Variants in MTUS2 observed in about 807,000 individuals in gnomAD.
The protein encoded by MTUS2 is microtubule-associated tumor suppressor candidate 2.
MTUS2 carries 40 observed loss-of-function variants against 114.1 expected under a neutral mutation model. That is an observed-to-expected ratio of 0.35 (90% CI 0.27 to 0.46). The LOEUF is 0.46. Ranked by LOEUF, MTUS2 falls within the 20% of genes least tolerant of loss-of-function variation. The pLI is 1.00. For missense variants in MTUS2, 1,679 were observed against 1,705.4 expected, an observed-to-expected ratio of 0.98 and a Z score of 0.27; for synonymous variants, 688 against 672.0, an observed-to-expected ratio of 1.02 and a Z score of -0.37.
rs367681518 is a variant in MTUS2, at chr13:29,375,607, ACG to A, written c.3117+16135_3117+16136del. Among the ~76,000 whole-genome samples the A allele has an allele frequency of 7.5e-3, 252 of 33,420 alleles. 25 individuals are homozygous for A. Among genetic ancestry groups the A allele is most frequent in the African/African-American group, 0.015 (46 of 2,984 alleles). The allele number at this position is 33,420 out of a possible 152,430, so 21.9% of individuals were successfully genotyped here. A position where few individuals can be genotyped will look rare whatever the true frequency, so the allele number is the denominator to read the frequency against. On this transcript the variant is annotated intron_variant, in intron 8 of 15. Coordinates refer to ENST00000612955, the MANE Select transcript of MTUS2 (RefSeq NM_001033602.4). ...TATATACGTATATATATATATATAT[ACG>A]TATATATATATATATATATATATAT...
intron 5 of MTUS2, among the ~76,000 whole-genome samples, chr13:29,183,295 G>C (rs1894084108): frequency 1.3e-5 from 2 of 151,992 alleles, no homozygotes; most frequent in African/African-American, 4.8e-5. Context: ...CAACGATGAT[G>C]ACCAGGGTCT....
At chr13:28,935,759 AT>A (rs1020896980) in intron 2 of MTUS2, among the ~76,000 whole-genome samples, 67 of 147,012 alleles carry the variant, frequency 4.6e-4, no homozygotes, top group Non-Finnish European at 6.8e-4. Flanking sequence ...GACCAGGCTC[AT>A]TTTTTTTTTT....
chr13:29,392,941 G>A (rs12100061), intron 8 of MTUS2, among the ~76,000 whole-genome samples: 4,284 of 152,224 alleles, frequency 0.028, 225 homozygotes, highest in African/African-American at 0.098. Flanking sequence ...TGGCATCTAT[G>A]CAATGATATC....
intron 4 of MTUS2, among the ~76,000 whole-genome samples, chr13:29,059,841 T>C (rs1175422663): frequency 6.6e-6 from 1 of 152,224 alleles, no homozygotes; most frequent in African/African-American, 2.4e-5. Flanking sequence ...ATGTTGCCCA[T>C]CTAGCTACCA....
chr13:29,480,240 A>T lies in MTUS2; in HGVS notation c.3275A>T (p.Gln1092Leu). Residue 1092 changes from glutamine (Q) to leucine (L), a missense_variant, in exon 10 of 16, where the codon CAG becomes CTG. Transcript: ENST00000612955. This position sits in a 1 kb window ranked among gnomAD's most constrained non-coding sequence, Gnocchi z 4.4. ...FEDEVKRLGW[Q>L]QQAELQELEE... ...GACGAGGTGAAGAGGCTGGGCTGGCAGCAGCAGGCCGAGCTCCAGGAGCTG... is the reference window on the plus strand; with the variant it reads ...GACGAGGTGAAGAGGCTGGGCTGGCTGCAGCAGGCCGAGCTCCAGGAGCTG... 2 of 1,553,602 alleles carry T rather than the reference A, an allele frequency of 1.3e-6. No individual in the cohort carries two copies. The highest frequency in any genetic ancestry group is 1.7e-6 in the Non-Finnish European group (2 of 1,148,162).
At chr13:28,852,056 C>T (rs1020149933) in intron 2 of MTUS2, among the ~76,000 whole-genome samples, 1 of 152,188 alleles carries the variant, frequency 6.6e-6, no homozygotes, top group Non-Finnish European at 1.5e-5. Flanking sequence ...TGTTCTTAGA[C>T]CTTCAGTCAC....
intron 4 of MTUS2, among the ~76,000 whole-genome samples, chr13:29,065,698 T>TG (rs1409419865): frequency 1.3e-5 from 2 of 152,212 alleles, no homozygotes; most frequent in East Asian, 3.8e-4. Flanking sequence ...GAGGAGCAGA[T>TG]GGAGAGGCTG....
rs117286685 is a variant in MTUS2, at chr13:29,299,370, C to T, written c.2806+17505C>T. On this transcript the variant is annotated intron_variant, in intron 6 of 15. Transcript: ENST00000612955. ...TTTGGATGGGCCTCCATTTGTTCAA[C>T]ATATATTAATTGCGTACCCTCTTCA... Among the ~76,000 whole-genome samples, 6 of 152,292 alleles carry T rather than the reference C, an allele frequency of 3.9e-5. No individual in the cohort carries two copies. The East Asian group carries it at 1.2e-3, about 29-fold the overall frequency.
chr13:29,197,342 T>C (rs530463810), intron 5 of MTUS2, among the ~76,000 whole-genome samples: 76 of 152,286 alleles, frequency 5.0e-4, no homozygotes, highest in Non-Finnish European at 9.8e-4. Flanking sequence ...GTTCCTGTGT[T>C]AGTTTGCTGA....
At chr13:29,066,847 A>G (rs1282861228) in intron 4 of MTUS2, among the ~76,000 whole-genome samples, 2 of 152,258 alleles carry the variant, frequency 1.3e-5, no homozygotes, top group African/African-American at 4.8e-5. Context: ...GAGGAGAGGA[A>G]CCCACTAGGC....
At chr13:29,397,517 C>T (rs1248453443) in intron 8 of MTUS2, among the ~76,000 whole-genome samples, 1 of 152,216 alleles carries the variant, frequency 6.6e-6, no homozygotes, top group African/African-American at 2.4e-5. Context: ...TGCATGGTCT[C>T]AGGCCCCATC....
intron 2 of MTUS2, among the ~76,000 whole-genome samples, chr13:28,881,310 T>C (rs953532882): frequency 3.9e-5 from 6 of 152,240 alleles, no homozygotes; most frequent in Non-Finnish European, 8.8e-5. Context: ...ATTAGTCCGT[T>C]CTTTTTAGTG....
intron 2 of MTUS2, among the ~76,000 whole-genome samples, chr13:29,006,216 C>T (rs1341879517): frequency 1.3e-5 from 2 of 152,022 alleles, no homozygotes; most frequent in African/African-American, 4.8e-5. Flanking sequence ...CCAGGTGCTG[C>T]AAAAGTTTAG....
chr13:29,383,092 A>G (rs1232431014), intron 8 of MTUS2, among the ~76,000 whole-genome samples: 2 of 152,066 alleles, frequency 1.3e-5, no homozygotes, highest in Admixed American at 6.6e-5. Flanking sequence ...TAACACAGAC[A>G]TGTATTTAAT....
At position 29,168,888 on chromosome 13, in the gene MTUS2, C is replaced by CTGTTTGTGTGTGTGTGTGTG. The variant is rs1893429634; in HGVS notation, c.2644+67921_2644+67922insTTGTGTGTGTGTGTGTGTGT. Among the ~76,000 whole-genome samples the CTGTTTGTGTGTGTGTGTGTG allele has an allele frequency of 2.9e-5, 4 of 138,484 alleles. No homozygotes were observed. In the South Asian group the frequency reaches 1.0e-3, roughly 35 times the overall value. 90.9% of individuals were successfully genotyped at this position (138,484 alleles called of 152,430 possible). On this transcript the variant is annotated intron_variant, in intron 5 of 15. Coordinates refer to ENST00000612955, the MANE Select transcript of MTUS2 (RefSeq NM_001033602.4). ...ATTTGTCTCCTTTCACTTTATGAAT[C>CTGTTTGTGTGTGTGTGTGTG]TGTGTGTGTGTGTGTGTGTGTGTGT...
At chr13:28,860,556 A>G (rs1027457168) in intron 2 of MTUS2, among the ~76,000 whole-genome samples, 2 of 152,318 alleles carry the variant, frequency 1.3e-5, no homozygotes, top group Admixed American at 1.3e-4. Flanking sequence ...GCGGCAGTGG[A>G]GTGCACCTTA....
At chr13:29,471,746 C>CCG (rs1555283303) in intron 9 of MTUS2, among the ~76,000 whole-genome samples, 2 of 140,410 alleles carry the variant, frequency 1.4e-5, no homozygotes, top group African/African-American at 3.1e-5. Flanking sequence ...GGCCCAGCCC[C>CCG]CCCCGACACA....
intron 2 of MTUS2, among the ~76,000 whole-genome samples, chr13:29,004,172 A>G (rs3892746): frequency 0.44 from 67,531 of 152,032 alleles, 15,584 homozygotes; most frequent in East Asian, 0.68. Context: ...TCTGCAACTC[A>G]GAAAGGATAT....
At chr13:29,390,662 A>AG (rs1873368243) in intron 8 of MTUS2, among the ~76,000 whole-genome samples, 3 of 150,850 alleles carry the variant, frequency 2.0e-5, no homozygotes, top group Admixed American at 6.6e-5. Context: ...AAAAAAAAAA[A>AG]AAAGAAAGAA....
Sources: allele counts gnomAD v4.1 joint callset (sites outside exome capture counted in the v4.1 genomes callset), GRCh38; gene constraint gnomAD v4.1.1; non-coding constraint Gnocchi (gnomAD v3.1); transcripts MANE v1.5; gene names NCBI Gene and HGNC (gene_info 2026-07-23, HGNC 2026-07-21).